EMCN: variants seen among roughly 807,000 people sequenced by gnomAD.
EMCN encodes MUC-14.
Under a neutral mutation model 38.4 loss-of-function variants are expected in EMCN, and 37 were observed. The observed-to-expected ratio is 0.96, with a 90% CI of 0.74 to 1.27. EMCN has a LOEUF of 1.27. EMCN is among the 50% of genes most tolerant of loss of function. EMCN has a pLI of 0.00. For synonymous variants in EMCN, 95 were observed against 100.8 expected (o/e 0.94, Z 0.35); for missense variants, 318 against 302.8 (o/e 1.05, Z -0.37).
At chr4:100,430,836 C>A (rs1238586329) in intron 5 of EMCN, among the ~76,000 whole-genome samples, 2 of 152,080 alleles carry the variant, frequency 1.3e-5, no homozygotes, top group African/African-American at 4.8e-5. Flanking sequence ...TAATTGAATT[C>A]TTTTATTCTC....
At chr4:100,465,604 T>C in intron 3 of EMCN, 65 bp from the exon 4 acceptor site, 1 of 796,352 alleles carries the variant, frequency 1.3e-6, no homozygotes, top group Admixed American at 2.6e-5. Flanking sequence ...TTAATATTCA[T>C]ATTAATATCC....
At chr4:100,505,028 G>T (rs1455957382) in intron 1 of EMCN, among the ~76,000 whole-genome samples, 4 of 152,178 alleles carry the variant, frequency 2.6e-5, no homozygotes. Context: ...AGAAATAATG[G>T]CATAAGCTGT....
At chr4:100,476,491 G>T (rs1260455720) in intron 2 of EMCN, among the ~76,000 whole-genome samples, 1 of 151,866 alleles carries the variant, frequency 6.6e-6, no homozygotes, top group Non-Finnish European at 1.5e-5. Context: ...TTATTTGCAG[G>T]TTTGTTGCAT....
chr4:100,509,568 T>C lies in EMCN; in HGVS notation c.64+8283A>G, dbSNP rs536388441. Among the ~76,000 whole-genome samples the C allele has an allele frequency of 9.2e-4, 140 of 152,304 alleles. 3 individuals carry two copies. The South Asian group carries it at 0.028, about 31-fold the overall frequency. On this transcript the variant is annotated intron_variant, in intron 1 of 11. Transcript: ENST00000296420. ...AGAGTGCCCAAGAACTCAACGCTTA[T>C]GTTCTCACACTTGCTGAACACCCTA...
At chr4:100,418,162 C>G (rs934008023) in intron 8 of EMCN, among the ~76,000 whole-genome samples, 2 of 152,136 alleles carry the variant, frequency 1.3e-5, no homozygotes, top group East Asian at 1.9e-4. Context: ...CATCTTTGCT[C>G]CATCAGTAAG....
At chr4:100,413,474 A>G (rs1177352690) in intron 10 of EMCN, among the ~76,000 whole-genome samples, 2 of 152,200 alleles carry the variant, frequency 1.3e-5, no homozygotes, top group South Asian at 2.1e-4. Flanking sequence ...TGTAGTGAGC[A>G]TAGCATTATA....
chr4:100,485,046 A>G (rs1306146752), intron 1 of EMCN, among the ~76,000 whole-genome samples: 2 of 152,144 alleles, frequency 1.3e-5, no homozygotes, highest in Admixed American at 6.5e-5. Context: ...TTAAACTCTT[A>G]AAGAAAATGA....
intron 4 of EMCN, among the ~76,000 whole-genome samples, chr4:100,460,064 T>C (rs112783996): frequency 0.018 from 2,801 of 152,336 alleles, 92 homozygotes; most frequent in African/African-American, 0.064. Context: ...ATTTCTCTTT[T>C]CTCTATATCT....
intron 5 of EMCN, among the ~76,000 whole-genome samples, chr4:100,436,828 A>T (rs1393136996): frequency 3.9e-5 from 6 of 152,258 alleles, no homozygotes; most frequent in Middle Eastern, 3.4e-3. Flanking sequence ...ACATGGACAC[A>T]TGGGGCGGGG....
chr4:100,515,886 C>T (rs1729743476), intron 1 of EMCN, among the ~76,000 whole-genome samples: 1 of 152,066 alleles, frequency 6.6e-6, no homozygotes, highest in South Asian at 2.1e-4. Context: ...CCAGGTACAA[C>T]AAAATCATAC....
chr4:100,415,144 G>A (rs946255107), intron 10 of EMCN, among the ~76,000 whole-genome samples: 5 of 152,234 alleles, frequency 3.3e-5, no homozygotes, highest in Middle Eastern at 3.4e-3. Flanking sequence ...TGATCTGCCC[G>A]CCTCAGCCTC....
chr4:100,459,947 T>G (rs1199431294), intron 4 of EMCN, among the ~76,000 whole-genome samples: 1 of 152,176 alleles, frequency 6.6e-6, no homozygotes, highest in Non-Finnish European at 1.5e-5. Context: ...TACCCAGAAG[T>G]GGGATTACTG....
intron 5 of EMCN, among the ~76,000 whole-genome samples, chr4:100,436,174 G>T (rs1553928066): frequency 6.8e-6 from 1 of 147,240 alleles, no homozygotes; most frequent in Non-Finnish European, 1.5e-5. Context: ...ACTTAAACAA[G>T]AAAAAAAAAA....
chr4:100,400,137 G>A (rs1157062801), intron 11 of EMCN, among the ~76,000 whole-genome samples: 1 of 152,142 alleles, frequency 6.6e-6, no homozygotes, highest in East Asian at 1.9e-4. Flanking sequence ...TGTTTATAGT[G>A]AAGGACAATG....
intron 5 of EMCN, among the ~76,000 whole-genome samples, chr4:100,427,602 A>C (rs1243317055): frequency 6.6e-6 from 1 of 151,594 alleles, no homozygotes; most frequent in Non-Finnish European, 1.5e-5. Context: ...TTTCTTTCTA[A>C]ATTATAATCT....
intron 1 of EMCN, among the ~76,000 whole-genome samples, chr4:100,516,577 C>G (rs1361579167): frequency 1.3e-5 from 2 of 152,078 alleles, no homozygotes; most frequent in Non-Finnish European, 2.9e-5. Context: ...AAATCAGATT[C>G]TAGTAACTCT....
intron 1 of EMCN, among the ~76,000 whole-genome samples, chr4:100,495,843 C>A (rs1350886926): frequency 6.6e-6 from 1 of 151,882 alleles, no homozygotes; most frequent in Non-Finnish European, 1.5e-5. Context: ...TTATTAAATG[C>A]TAAATATAAG....
chr4:100,435,928 G>C (rs1345781366), intron 5 of EMCN, among the ~76,000 whole-genome samples: 2 of 152,060 alleles, frequency 1.3e-5, no homozygotes, highest in Non-Finnish European at 2.9e-5. Context: ...AAAAACCCTA[G>C]AAGAAAATCT....
At chr4:100,427,453 C>CTTT (rs71594586) in intron 5 of EMCN, among the ~76,000 whole-genome samples, 2 of 97,250 alleles carry the variant, frequency 2.1e-5, no homozygotes, top group South Asian at 3.0e-4. Flanking sequence ...CTCTCTCTCT[C>CTTT]TTTTTTTTTT....
Sources: allele counts gnomAD v4.1 joint callset (sites outside exome capture counted in the v4.1 genomes callset), GRCh38; gene constraint gnomAD v4.1.1; transcripts MANE v1.5; gene names NCBI Gene and HGNC (gene_info 2026-07-23, HGNC 2026-07-21).